The following FSHR variants were observed in gnomAD, a reference collection of about 807,000 sequenced individuals.
FSHR encodes the protein follicle stimulating hormone receptor.
FSHR carries 46 observed loss-of-function variants against 52.1 expected under a neutral mutation model. The ratio of observed to expected loss-of-function variants is 0.88; its 90% CI spans 0.70 to 1.13. The LOEUF (loss-of-function observed/expected upper bound fraction) is 1.13, where lower values mean the gene tolerates loss of function less well. Ranked by LOEUF, FSHR falls within the 50% of genes most tolerant of loss-of-function variation. FSHR has a pLI of 0.00. For missense variants in FSHR, 964 were observed against 834.6 expected, an observed-to-expected ratio of 1.16 and a Z score of -1.91; for synonymous variants, 399 against 309.6, an observed-to-expected ratio of 1.29 and a Z score of -3.03.
chr2:49,139,320 C>G (rs1405338682), intron 1 of FSHR, among the ~76,000 whole-genome samples: 1 of 152,122 alleles, frequency 6.6e-6, no homozygotes, highest in Admixed American at 6.5e-5. Flanking sequence ...TTTCAGTTAG[C>G]TACATTTTAC....
In FSHR at chr2:48,995,462, G is replaced by A. The variant is rs148042812; in HGVS notation, c.375-4825C>T. Among the ~76,000 whole-genome samples, 883 of 152,118 alleles carry A rather than the reference G, an allele frequency of 5.8e-3. 12 individuals are homozygous for A. The highest frequency in any genetic ancestry group is 0.019 in the African/African-American group (781 of 41,500). ...CTAAGAGTAGCAAGTGTGTATATCC[G>A]GACCACACGAGGTGGATGAAAGGAT... On this transcript the variant is annotated intron_variant, in intron 4 of 9. Transcript: ENST00000406846.
intron 4 of FSHR, among the ~76,000 whole-genome samples, chr2:48,994,477 A>G (rs1460958711): frequency 6.6e-6 from 1 of 152,146 alleles, no homozygotes; most frequent in Non-Finnish European, 1.5e-5. Flanking sequence ...AGTTTAAGGC[A>G]CTTAAAAAGA....
intron 1 of FSHR, among the ~76,000 whole-genome samples, chr2:49,139,579 A>G (rs550203338): frequency 2.2e-4 from 33 of 149,634 alleles, no homozygotes; most frequent in Middle Eastern, 3.4e-3. Flanking sequence ...TTAAAGGTAA[A>G]GATTTTTAAC....
intron 4 of FSHR, among the ~76,000 whole-genome samples, chr2:48,995,601 T>C (rs985841785): frequency 8.5e-5 from 13 of 152,210 alleles, no homozygotes; most frequent in African/African-American, 2.6e-4. Context: ...TCCCCACTTA[T>C]GGGCAAGCAT....
At chr2:49,104,413 A>G (rs1169078691) in intron 1 of FSHR, among the ~76,000 whole-genome samples, 1 of 152,230 alleles carries the variant, frequency 6.6e-6, no homozygotes, top group East Asian at 1.9e-4. Context: ...TCAGAGTTCA[A>G]AACAATTCAC....
chr2:49,091,614 A>G (rs1181550210), intron 1 of FSHR, among the ~76,000 whole-genome samples: 1 of 152,170 alleles, frequency 6.6e-6, no homozygotes, highest in Non-Finnish European at 1.5e-5. Flanking sequence ...ATTTTTTTAA[A>G]AACATATGCT....
At chr2:49,039,471 G>A (rs1040521498) in intron 2 of FSHR, among the ~76,000 whole-genome samples, 1 of 152,214 alleles carries the variant, frequency 6.6e-6, no homozygotes, top group Admixed American at 6.5e-5. Flanking sequence ...AAGGTCAACA[G>A]TGCTCCACTT....
chr2:48,977,117 C>T (rs1675024819), intron 8 of FSHR, among the ~76,000 whole-genome samples: 1 of 140,576 alleles, frequency 7.1e-6, no homozygotes, highest in African/African-American at 3.0e-5. Context: ...TAATAAAATC[C>T]CCTCTCCTCT....
chr2:49,152,073 C>A (rs1367471386), intron 1 of FSHR, among the ~76,000 whole-genome samples: 1 of 152,138 alleles, frequency 6.6e-6, no homozygotes, highest in East Asian at 1.9e-4. Context: ...AAGACAGAAT[C>A]TTCTTAAGAC....
At chr2:48,981,739 T>A (rs1364228371) in intron 8 of FSHR, among the ~76,000 whole-genome samples, 1 of 152,244 alleles carries the variant, frequency 6.6e-6, no homozygotes, top group African/African-American at 2.4e-5. Flanking sequence ...AGTCTAATTC[T>A]AGAGGTACAC....
chr2:49,146,650 C>A (rs570057328), intron 1 of FSHR, among the ~76,000 whole-genome samples: 32 of 152,078 alleles, frequency 2.1e-4, no homozygotes, highest in African/African-American at 7.7e-4. Flanking sequence ...GAATCTGACG[C>A]CTAGAGAAAG....
intron 2 of FSHR, among the ~76,000 whole-genome samples, chr2:49,040,546 G>T (rs1021341840): frequency 1.8e-4 from 28 of 152,176 alleles, no homozygotes; most frequent in African/African-American, 6.8e-4. Flanking sequence ...CACAGTAGGT[G>T]CTCAGTAAAT....
At chr2:49,140,227 G>A (rs770973484) in intron 1 of FSHR, among the ~76,000 whole-genome samples, 9 of 152,088 alleles carry the variant, frequency 5.9e-5, no homozygotes, top group Non-Finnish European at 1.3e-4. Flanking sequence ...TGAATGGCTT[G>A]GTCATCCCCT....
At chr2:49,150,885 G>T (rs1221237395) in intron 1 of FSHR, among the ~76,000 whole-genome samples, 3 of 151,756 alleles carry the variant, frequency 2.0e-5, no homozygotes, top group Non-Finnish European at 4.4e-5. Context: ...TTTTTCTATG[G>T]CCAGTAAGCT....
At chr2:49,063,171 G>T (rs1274908066) in intron 2 of FSHR, among the ~76,000 whole-genome samples, 1 of 152,082 alleles carries the variant, frequency 6.6e-6, no homozygotes, top group Non-Finnish European at 1.5e-5. Flanking sequence ...ATTTAAGTGT[G>T]GGAGGATTTG....
chr2:49,035,945 C>T (rs1228167323), intron 2 of FSHR, among the ~76,000 whole-genome samples: 1 of 152,206 alleles, frequency 6.6e-6, no homozygotes, highest in Non-Finnish European at 1.5e-5. Context: ...TTGAGGTCAA[C>T]ATCATTAGCA....
intron 1 of FSHR, among the ~76,000 whole-genome samples, chr2:49,092,773 C>T (rs1386715357): frequency 6.6e-6 from 1 of 152,162 alleles, no homozygotes; most frequent in African/African-American, 2.4e-5. Flanking sequence ...TCAAGTGATT[C>T]TCCTGCCTCA....
At chr2:48,994,456 C>T (rs1343180375) in intron 4 of FSHR, among the ~76,000 whole-genome samples, 1 of 151,974 alleles carries the variant, frequency 6.6e-6, no homozygotes, top group Non-Finnish European at 1.5e-5. Flanking sequence ...AAAATTATTC[C>T]AGTAGTGCTG....
At chr2:48,989,130 G>C in intron 5 of FSHR, 76 bp from the exon 6 acceptor site, 1 of 1,052,102 alleles carries the variant, frequency 9.5e-7, no homozygotes, top group South Asian at 1.3e-5. Flanking sequence ...AGTTTAACTG[G>C]CATGATGCGG....
Sources: gnomAD v4.1 joint callset for allele counts (sites outside exome capture counted in the v4.1 genomes callset) on GRCh38, gnomAD v4.1.1 for gene constraint, MANE v1.5 for transcripts, NCBI Gene and HGNC (gene_info 2026-07-23, HGNC 2026-07-21) for gene names.